PTPRK: variants seen among roughly 807,000 people sequenced by gnomAD.
PTPRK encodes the protein protein tyrosine phosphatase receptor type K, also known as receptor-type tyrosine-protein phosphatase kappa.
PTPRK carries 75 observed loss-of-function variants against 178.0 expected under a neutral mutation model. The ratio of observed to expected loss-of-function variants is 0.42; its 90% confidence interval spans 0.35 to 0.51. The LOEUF (loss-of-function observed/expected upper bound fraction) is 0.51, where lower values mean the gene tolerates loss of function less well. Ranked by LOEUF, PTPRK falls within the 20% of genes least tolerant of loss-of-function variation. PTPRK has a pLI of 0.02. For synonymous variants in PTPRK, 637 were observed against 620.6 expected (o/e 1.03, Z -0.39); for missense variants, 1,441 against 1,797.8 (o/e 0.80, Z 3.59).
At chr6:128,259,239 T>C (rs35867293) in intron 3 of PTPRK, among the ~76,000 whole-genome samples, 2,200 of 152,260 alleles carry the variant, frequency 0.014, 25 homozygotes, top group Middle Eastern at 0.024. Flanking sequence ...CCCTATAGGC[T>C]AGGTTATCAC....
At chr6:128,470,712 A>C (rs1260242544) in intron 1 of PTPRK, among the ~76,000 whole-genome samples, 1 of 150,990 alleles carries the variant, frequency 6.6e-6, no homozygotes, top group Non-Finnish European at 1.5e-5. Flanking sequence ...TACAGGTTCA[A>C]TGAGGCATTA....
At chr6:128,325,664 GA>G (rs1247944118) in intron 2 of PTPRK, among the ~76,000 whole-genome samples, 3 of 152,084 alleles carry the variant, frequency 2.0e-5, no homozygotes, top group African/African-American at 7.2e-5. Context: ...AAAAAGTCAA[GA>G]AAAAACAGAT....
intron 7 of PTPRK, among the ~76,000 whole-genome samples, chr6:128,142,017 T>TA (rs1163881456): frequency 6.6e-6 from 1 of 151,966 alleles, no homozygotes; most frequent in Non-Finnish European, 1.5e-5. Flanking sequence ...TCTCCTCTCT[T>TA]ACTCCTTAAA....
chr6:128,465,903 T>C (rs1487332524), intron 1 of PTPRK, among the ~76,000 whole-genome samples: 1 of 152,038 alleles, frequency 6.6e-6, no homozygotes, highest in South Asian at 2.1e-4. Flanking sequence ...GAGCAGAGGG[T>C]CCAAGCCTCA....
rs1849607333 is a variant in PTPRK, at chr6:128,464,659, A to ATATATATATATATATATG, written c.100+55599_100+55600insCATATATATATATATATA. On this transcript the variant is annotated intron_variant, in intron 1 of 29. Transcript: ENST00000368226. ...TACACATATATATATATATATATAT[A>ATATATATATATATATATG]TATATATATATATATACAACAGATG... 1.3e-4 allele frequency among the ~76,000 whole-genome samples: 14 copies of ATATATATATATATATATG among 108,224 alleles called. No homozygotes were observed. The East Asian group carries it at 1.8e-3, about 14-fold the overall frequency. The allele number at this position is 108,224 out of a possible 152,430, so 71.0% of individuals were successfully genotyped here. A position where few individuals can be genotyped will look rare whatever the true frequency, so the allele number is the denominator to read the frequency against.
intron 1 of PTPRK, among the ~76,000 whole-genome samples, chr6:128,490,127 T>C (rs887124196): frequency 4.6e-5 from 7 of 152,218 alleles, no homozygotes; most frequent in African/African-American, 1.7e-4. Context: ...TCCTCTTTTC[T>C]TCTTCCTGTC....
chr6:128,508,506 C>T (rs1393129000), intron 1 of PTPRK, among the ~76,000 whole-genome samples: 4 of 152,214 alleles, frequency 2.6e-5, no homozygotes, highest in African/African-American at 7.2e-5. Context: ...AACACATTTA[C>T]ATTTCTTTAA....
intron 7 of PTPRK, among the ~76,000 whole-genome samples, chr6:128,146,289 A>G (rs906456202): frequency 6.6e-6 from 1 of 152,168 alleles, no homozygotes; most frequent in Non-Finnish European, 1.5e-5. Context: ...TAACATGATC[A>G]ATTTTACTTT....
At chr6:127,973,603 T>C (rs573508608) in intron 28 of PTPRK, 61 bp downstream of exon 28, 34 of 1,583,348 alleles carry the variant, frequency 2.1e-5, no homozygotes, top group African/African-American at 1.2e-4. Context: ...GTCTTTAACA[T>C]TGAAAATGAG....
At chr6:127,971,887 T>C (rs1773947458) in intron 29 of PTPRK, among the ~76,000 whole-genome samples, 1 of 152,150 alleles carries the variant, frequency 6.6e-6, no homozygotes, top group South Asian at 2.1e-4. Context: ...ACATAACCAC[T>C]ATTCATTTAG....
chr6:128,367,145 T>C (rs533147010), intron 2 of PTPRK, among the ~76,000 whole-genome samples: 36 of 152,262 alleles, frequency 2.4e-4, no homozygotes, highest in Admixed American at 1.4e-3. Flanking sequence ...CTGTTGACTT[T>C]TCTAACCCCA....
At position 127,982,821 on chromosome 6, in the gene PTPRK, T is replaced by G. The variant is rs1775501273; in HGVS notation, c.3537+10A>C. The G allele has an allele frequency of 3.1e-6, 5 of 1,597,164 alleles. No individual in the cohort carries two copies. In the African/African-American group the frequency reaches 5.4e-5, roughly 17 times the overall value. ...TAAGTCACAAAAGAGGTTTTAGAAA[T>G]AGTTAATACCTGAAATTCATCCTTG... On this transcript the variant is annotated intron_variant, in intron 24 of 29. Coordinates refer to ENST00000368226, the MANE Select transcript of PTPRK (RefSeq NM_002844.4).
intron 1 of PTPRK, among the ~76,000 whole-genome samples, chr6:128,507,970 C>T (rs1015416823): frequency 2.0e-5 from 3 of 152,080 alleles, no homozygotes; most frequent in African/African-American, 4.8e-5. Flanking sequence ...AATTCTTTTT[C>T]GGTAGGCTTT....
chr6:128,257,958 T>C (rs1347451444), intron 3 of PTPRK, among the ~76,000 whole-genome samples: 4 of 152,252 alleles, frequency 2.6e-5, no homozygotes, highest in Non-Finnish European at 5.9e-5. Flanking sequence ...GTTCTCTGAT[T>C]TGTAAATAGA....
chr6:128,263,761 G>C (rs1268857325), intron 3 of PTPRK, among the ~76,000 whole-genome samples: 1 of 152,134 alleles, frequency 6.6e-6, no homozygotes, highest in Non-Finnish European at 1.5e-5. Context: ...TTGCACACCA[G>C]TGGTGTGCCT....
At chr6:128,001,955 T>C (rs1379273168) in intron 15 of PTPRK, among the ~76,000 whole-genome samples, 2 of 151,828 alleles carry the variant, frequency 1.3e-5, no homozygotes, top group Non-Finnish European at 2.9e-5. Flanking sequence ...TCCTTAATGA[T>C]CCCCAGTGAT....
At chr6:128,252,990 C>G (rs954383969) in intron 3 of PTPRK, among the ~76,000 whole-genome samples, 1 of 152,114 alleles carries the variant, frequency 6.6e-6, no homozygotes, top group East Asian at 1.9e-4. Flanking sequence ...CAGTTCAATT[C>G]AGGGCCTAAG....
intron 7 of PTPRK, among the ~76,000 whole-genome samples, chr6:128,119,739 A>G (rs554518011): frequency 1.6e-4 from 25 of 152,074 alleles, no homozygotes; most frequent in Admixed American, 2.6e-4. Flanking sequence ...AGTATAATGG[A>G]AAACCAGTAA....
intron 1 of PTPRK, among the ~76,000 whole-genome samples, chr6:128,510,081 T>C (rs560847888): frequency 6.6e-6 from 1 of 152,164 alleles, no homozygotes; most frequent in Non-Finnish European, 1.5e-5. Flanking sequence ...TTTATGATAA[T>C]AGACAAAAGT....
Sources: allele counts gnomAD v4.1 joint callset (sites outside exome capture counted in the v4.1 genomes callset), GRCh38; gene constraint gnomAD v4.1.1; transcripts MANE v1.5; gene names NCBI Gene and HGNC (gene_info 2026-07-23, HGNC 2026-07-21).